ZNF30: variants seen among roughly 807,000 people sequenced by gnomAD.
ZNF30 encodes zinc finger protein 30 (KOX 28).
Under a neutral mutation model 13.2 loss-of-function variants are expected in ZNF30, and 15 were observed. The observed-to-expected ratio is 1.13, with a 90% CI of 0.76 to 1.75. ZNF30 has a LOEUF of 1.75. Ranked by LOEUF, ZNF30 falls within the 40% of genes most tolerant of loss-of-function variation. The pLI is 0.00. For synonymous variants in ZNF30, 223 were observed against 256.6 expected (o/e 0.87, Z 1.25); for missense variants, 726 against 757.0 (o/e 0.96, Z 0.48).
rs534764672 is a variant in ZNF30, at chr19:34,929,905, G to A, written c.-43G>A. On this transcript the variant is annotated 5_prime_UTR_variant, in exon 2 of 5. Transcript: ENST00000601142. ...CTAGCTTTTGAACTTCTCAGATAGAGGAACCCCAGTGAAGACTGATCAGTT... is the reference window on the plus strand; with the variant it reads ...CTAGCTTTTGAACTTCTCAGATAGAAGAACCCCAGTGAAGACTGATCAGTT... The A allele has an allele frequency of 6.3e-7, 1 of 1,582,072 alleles. No homozygotes were observed. The highest frequency in any genetic ancestry group is 1.4e-5 in the African/African-American group (1 of 73,052).
intron 3 of ZNF30, 132 bp from the exon 4 acceptor site, chr19:34,933,496 C>A: frequency 1.7e-6 from 1 of 579,642 alleles, no homozygotes; most frequent in Non-Finnish European, 3.1e-6. Flanking sequence ...TATGAATCCC[C>A]TTGCCCTTCT....
rs767253813 is a variant in ZNF30 at position 34,944,740 on chromosome 19, G to A, written c.1774G>A (p.Gly592Ser). The A allele has an allele frequency of 6.2e-7, 1 of 1,613,950 alleles. No homozygotes were observed. Among genetic ancestry groups the A allele is most frequent in the East Asian group, 2.2e-5 (1 of 44,886 alleles). The part of the protein sequence containing the change: ...FLTEHQRVHT[G>S]EKPFKCKKCG... ...TACTGAACATCAGCGGGTACACACT[G>A]GTGAGAAACCCTTTAAATGCAAAAA... Residue 592 changes from glycine (G) to serine (S), a missense_variant, in exon 5 of 5, where the codon GGT becomes AGT. Coordinates refer to ENST00000601142, the MANE Select transcript of ZNF30 (RefSeq NM_194325.3).
At chr19:34,928,674 A>G (rs2012264800) in intron 1 of ZNF30, among the ~76,000 whole-genome samples, 1 of 151,882 alleles carries the variant, frequency 6.6e-6, no homozygotes, top group African/African-American at 2.4e-5. Flanking sequence ...CTCTAGTAAA[A>G]ATACAAAAAT....
chr19:34,930,634 G>C (rs2012398374), intron 2 of ZNF30, among the ~76,000 whole-genome samples: 1 of 152,150 alleles, frequency 6.6e-6, no homozygotes, highest in Non-Finnish European at 1.5e-5. Context: ...CAGGTGGGAG[G>C]ATCACTTGAG....
intron 3 of ZNF30, 68 bp downstream of exon 3, chr19:34,932,061 G>C (rs2012482383): frequency 4.3e-6 from 6 of 1,398,262 alleles, no homozygotes; most frequent in Non-Finnish European, 5.7e-6. Context: ...GCAGATTTTA[G>C]GGCTAGCTTA....
chr19:34,942,550 A>T, intron 4 of ZNF30: 1 of 1,029,300 alleles, frequency 9.7e-7, no homozygotes, highest in Non-Finnish European at 1.3e-6. Context: ...TTAGCAGTTT[A>T]CCATATTCCT....
intron 4 of ZNF30, 146 bp from the exon 5 acceptor site, chr19:34,943,077 C>G (rs1407941164): frequency 2.2e-6 from 1 of 445,608 alleles, no homozygotes; most frequent in Non-Finnish European, 3.7e-6. Context: ...CTCTGCATTC[C>G]TTTTTTTTTT....
chr19:34,945,051 AAAGTGGGAAACG>A lies in ZNF30; in HGVS notation c.*214_*225del. On this transcript the variant is annotated 3_prime_UTR_variant, in exon 5 of 5. Transcript: ENST00000601142. ...ATTTATACTGGTGGACCATTCAGAA[AAAGTGGGAAACG>A]TTATTACTTAATGGTTACAGCACTG... 3.2e-5 allele frequency: 16 copies of A among 496,168 alleles called. No homozygotes were observed. The highest frequency in any genetic ancestry group is 1.7e-4 in the South Asian group (3 of 17,642). The allele number at this position is 496,168 out of a possible 1,614,324, so 30.7% of individuals were successfully genotyped here. A position where few individuals can be genotyped will look rare whatever the true frequency, so the allele number is the denominator to read the frequency against.
intron 4 of ZNF30, among the ~76,000 whole-genome samples, chr19:34,939,617 A>T (rs2012934193): frequency 6.6e-6 from 1 of 152,120 alleles, no homozygotes; most frequent in Non-Finnish European, 1.5e-5. Flanking sequence ...CCCAGCCTAA[A>T]AGCTAATTTT....
Position 34,931,947 on chromosome 19 carries a change from G to A in ZNF30, c.114G>A (p.Leu38=). ...WESLDSSQRG[L]YRDVMLENYR... ...GTCTGGACTCTTCCCAGAGGGGCTT[G>A]TACAGAGATGTGATGTTGGAGAACT... Residue 38 remains leucine (L), a synonymous_variant, in exon 3 of 5, where the codon TTG becomes TTA. Transcript: ENST00000601142. The A allele has an allele frequency of 6.2e-7, 1 of 1,609,658 alleles. No individual in the cohort carries two copies. The highest frequency in any genetic ancestry group is 8.5e-7 in the Non-Finnish European group (1 of 1,178,588).
intron 2 of ZNF30, 84 bp downstream of exon 2, chr19:34,930,040 A>G: frequency 7.5e-7 from 1 of 1,335,434 alleles, no homozygotes; most frequent in Non-Finnish European, 1.0e-6. Flanking sequence ...ATTCTTCATC[A>G]GAATGTACCA....
At chr19:34,930,750 C>G (rs759853439) in intron 2 of ZNF30, among the ~76,000 whole-genome samples, 4 of 152,040 alleles carry the variant, frequency 2.6e-5, no homozygotes, top group Non-Finnish European at 5.9e-5. Flanking sequence ...GTAGTCCTAA[C>G]TACTTGGGAC....
intron 4 of ZNF30, among the ~76,000 whole-genome samples, chr19:34,940,466 G>A (rs554707784): frequency 9.2e-5 from 14 of 151,906 alleles, no homozygotes; most frequent in African/African-American, 2.7e-4. Flanking sequence ...TGAGGAGTTC[G>A]ACACCAGCCT....
chr19:34,933,615 A>G lies in ZNF30; in HGVS notation c.161-13A>G. 2 of 1,571,376 alleles carry G rather than the reference A, an allele frequency of 1.3e-6. No individual in the cohort carries two copies. Among genetic ancestry groups the G allele is most frequent in the African/African-American group, 2.7e-5 (2 of 74,086 alleles). ...TATTTTATTTCTTTTCTACATTCTT[A>G]TCTCATAAGCAGGACATTCCCGTTC... On this transcript the variant is annotated splice_polypyrimidine_tract_variant and intron_variant, in intron 3 of 4. Transcript: ENST00000601142.
intron 4 of ZNF30, among the ~76,000 whole-genome samples, chr19:34,934,701 G>C (rs191154336): frequency 1.3e-5 from 2 of 152,222 alleles, no homozygotes; most frequent in Admixed American, 1.3e-4. Context: ...AGCTTGATGA[G>C]TTATTATGAG....
At chr19:34,928,883 T>A (rs2012278510) in intron 1 of ZNF30, among the ~76,000 whole-genome samples, 1 of 152,096 alleles carries the variant, frequency 6.6e-6, no homozygotes, top group African/African-American at 2.4e-5. Flanking sequence ...TAATCATAGG[T>A]GTGTATGTAT....
chr19:34,944,891 A>T lies in ZNF30; in HGVS notation c.*53A>T. 6.8e-7 allele frequency: 1 copy of T among 1,479,354 alleles called. No homozygotes were observed. Among genetic ancestry groups the T allele is most frequent in the Non-Finnish European group, 9.0e-7 (1 of 1,109,892 alleles). 91.6% of individuals were successfully genotyped at this position (1,479,354 alleles called of 1,614,324 possible). A position where few individuals can be genotyped will look rare whatever the true frequency, so the allele number is the denominator to read the frequency against. On this transcript the variant is annotated 3_prime_UTR_variant, in exon 5 of 5. Coordinates refer to ENST00000601142, the MANE Select transcript of ZNF30 (RefSeq NM_194325.3). ...GTGTGTGGCTCAAACATTGTTGAAC[A>T]TCGGGGAATTTATGCTGGTAGGAAA...
upstream of ZNF30, among the ~76,000 whole-genome samples, chr19:34,926,474 A>C (rs2012077722): frequency 6.6e-6 from 1 of 152,166 alleles, no homozygotes; most frequent in Non-Finnish European, 1.5e-5. Context: ...GAACCCACAA[A>C]ATTTAAATAT....
intron 4 of ZNF30, chr19:34,942,643 C>T (rs562829411): frequency 1.7e-4 from 223 of 1,288,758 alleles, no homozygotes; most frequent in African/African-American, 2.3e-4. Context: ...GATTTTTAGG[C>T]GATGATGCCA....
Sources: allele counts gnomAD v4.1 joint callset (sites outside exome capture counted in the v4.1 genomes callset), GRCh38; gene constraint gnomAD v4.1.1; transcripts MANE v1.5; gene names NCBI Gene and HGNC (gene_info 2026-07-23, HGNC 2026-07-21).